The following CALN1 variants were observed in gnomAD, a reference collection of about 807,000 sequenced individuals.
CALN1 encodes the protein calcium-binding protein 8.
In CALN1, 17 loss-of-function variants were observed where a neutral mutation model predicts 30.6. The ratio of observed to expected loss-of-function variants is 0.56; its 90% CI spans 0.38 to 0.83. CALN1 has a LOEUF of 0.83. Ranked by LOEUF, CALN1 falls within the 40% of genes least tolerant of loss-of-function variation. The pLI, the probability that CALN1 is intolerant of heterozygous loss-of-function variation, is 0.00. For missense variants in CALN1, 291 were observed against 354.9 expected, an observed-to-expected ratio of 0.82 and a Z score of 1.45; for synonymous variants, 156 against 131.4, an observed-to-expected ratio of 1.19 and a Z score of -1.28.
chr7:72,378,429 G>T (rs1279268252), intron 2 of CALN1, among the ~76,000 whole-genome samples: 1 of 152,114 alleles, frequency 6.6e-6, no homozygotes, highest in Admixed American at 6.5e-5. Flanking sequence ...AGTTTCCAGA[G>T]TTCCAACAAG....
intron 3 of CALN1, among the ~76,000 whole-genome samples, chr7:72,235,981 T>C (rs937935851): frequency 3.3e-5 from 5 of 149,678 alleles, no homozygotes; most frequent in Non-Finnish European, 7.4e-5. Flanking sequence ...CAGTGGCTCA[T>C]ACCTGTAATC....
chr7:71,843,932 G>C (rs180866132), intron 5 of CALN1, among the ~76,000 whole-genome samples: 3 of 152,126 alleles, frequency 2.0e-5, no homozygotes, highest in Admixed American at 2.0e-4. Context: ...ATTTAAGGGA[G>C]AGGAAGTGGG....
chr7:71,938,929 A>G (rs928994833), intron 5 of CALN1, among the ~76,000 whole-genome samples: 1 of 152,062 alleles, frequency 6.6e-6, no homozygotes, highest in African/African-American at 2.4e-5. Context: ...CACTAAATCA[A>G]TGCTTGTCAA....
chr7:72,332,067 A>G (rs1046078831), intron 2 of CALN1, among the ~76,000 whole-genome samples: 22 of 152,274 alleles, frequency 1.4e-4, no homozygotes, highest in East Asian at 1.9e-4. Flanking sequence ...TCCATGGTGT[A>G]TATGTACCAC....
intron 2 of CALN1, among the ~76,000 whole-genome samples, chr7:72,319,927 C>T (rs995960210): frequency 3.3e-5 from 5 of 152,072 alleles, no homozygotes; most frequent in African/African-American, 9.7e-5. Context: ...GCGATGGTTA[C>T]ACTAACAGCC....
At chr7:72,016,248 C>CAAAAA (rs1216381592) in intron 5 of CALN1, among the ~76,000 whole-genome samples, 28 of 73,336 alleles carry the variant, frequency 3.8e-4, no homozygotes, top group African/African-American at 1.1e-3. Flanking sequence ...GACTCCATCT[C>CAAAAA]AAAAAAAAAA....
In CALN1 at chr7:71,784,548, C is replaced by T. The variant is rs1792886591; in HGVS notation, c.*3227G>A. On this transcript the variant is annotated 3_prime_UTR_variant, in exon 7 of 7. Transcript: ENST00000395275. Reference sequence around the variant, plus strand: ...TGTGGGTATCTGGAAAGGTGGGGCGCAGCTTCTTTGGGGATCAAGGGGGTC... The same window carrying T: ...TGTGGGTATCTGGAAAGGTGGGGCGTAGCTTCTTTGGGGATCAAGGGGGTC... 1 of 339,156 alleles carries T rather than the reference C, an allele frequency of 2.9e-6. No homozygotes were observed. Among genetic ancestry groups the T allele is most frequent in the African/African-American group, 2.1e-5 (1 of 47,278 alleles). The allele number at this position is 339,156 out of a possible 1,614,324, so 21.0% of individuals were successfully genotyped here. A position where few individuals can be genotyped will look rare whatever the true frequency, so the allele number is the denominator to read the frequency against.
intron 4 of CALN1, among the ~76,000 whole-genome samples, chr7:72,085,886 C>T (rs997939350): frequency 2.6e-5 from 4 of 152,042 alleles, no homozygotes; most frequent in Admixed American, 6.6e-5. Context: ...GAATTAAAAT[C>T]CACAATGCAA....
chr7:72,411,951 C>T (rs1003772051), intron 1 of CALN1, 107 bp downstream of exon 1: 1 of 152,108 alleles, frequency 6.6e-6, no homozygotes, highest in African/African-American at 2.4e-5. Context: ...CACCATAATC[C>T]GGAACTTGTC....
At chr7:72,456,138 C>T in the CALN1 span, among the ~76,000 whole-genome samples, 2 of 149,944 alleles carry the variant, frequency 1.3e-5, no homozygotes, top group African/African-American at 4.9e-5. Flanking sequence ...GAGCCAAGAT[C>T]GTGCCACTGC....
intron 5 of CALN1, among the ~76,000 whole-genome samples, chr7:71,960,323 G>T (rs558284743): frequency 6.6e-6 from 1 of 151,946 alleles, no homozygotes. Context: ...TCTTACTTCC[G>T]TCCCAGCCTC....
At chr7:72,148,289 G>C (rs1011486506) in intron 3 of CALN1, among the ~76,000 whole-genome samples, 2 of 149,508 alleles carry the variant, frequency 1.3e-5, no homozygotes, top group African/African-American at 4.9e-5. Context: ...AAAAGTCTGG[G>C]CCAGGTGCAG....
intron 2 of CALN1, among the ~76,000 whole-genome samples, chr7:72,351,905 A>T (rs1309086186): frequency 6.6e-6 from 1 of 152,266 alleles, no homozygotes; most frequent in Non-Finnish European, 1.5e-5. Flanking sequence ...GCACTATATT[A>T]ACATAATCTT....
At chr7:72,226,909 T>G (rs1242858893) in intron 3 of CALN1, among the ~76,000 whole-genome samples, 1 of 151,942 alleles carries the variant, frequency 6.6e-6, no homozygotes, top group Non-Finnish European at 1.5e-5. Context: ...TGATGGCGCA[T>G]GTCTATAGTT....
chr7:71,926,532 T>G (rs977008821), intron 5 of CALN1, among the ~76,000 whole-genome samples: 1 of 152,246 alleles, frequency 6.6e-6, no homozygotes, highest in African/African-American at 2.4e-5. Context: ...TGTGATTTGA[T>G]GTCTTATATT....
chr7:72,203,477 C>T (rs528642249), intron 3 of CALN1, among the ~76,000 whole-genome samples: 1 of 152,284 alleles, frequency 6.6e-6, no homozygotes, highest in Admixed American at 6.5e-5. Context: ...GGGCTAAGGA[C>T]TGCCAGGATG....
intron 3 of CALN1, among the ~76,000 whole-genome samples, chr7:72,219,416 G>A (rs1208510581): frequency 2.6e-5 from 4 of 152,012 alleles, no homozygotes; most frequent in Non-Finnish European, 5.9e-5. Context: ...TTTTTGTAGA[G>A]ATGGGGTCTT....
Position 72,278,749 on chromosome 7 carries a change from G to A in CALN1, c.181C>T (p.Arg61Ter). 6.2e-7 allele frequency: 1 copy of A among 1,614,084 alleles called. No individual in the cohort carries two copies. The highest frequency in any genetic ancestry group is 8.5e-7 in the Non-Finnish European group (1 of 1,179,978). The change falls in exon 3 of 7, where the codon CGA (arginine) becomes TGA (stop). Residue 61 changes from arginine (R) to a stop codon, truncating the protein, a stop_gained. Coordinates refer to ENST00000395275, the MANE Select transcript of CALN1 (RefSeq NM_031468.4). LOFTEE classifies it high-confidence loss of function. ...CTGTCACTGCCAGCAGAGAGCGATC[G>A]GTTGAGGTAATTCCCCTTGTACAAC... ...GLLYKGNYLN[R>*]SLSAGSDSEQ...
chr7:72,030,852 T>TC (rs1423539221), intron 4 of CALN1, among the ~76,000 whole-genome samples: 1 of 151,902 alleles, frequency 6.6e-6, no homozygotes, highest in African/African-American at 2.4e-5. Context: ...GCTGAAGGGA[T>TC]CCTCCTGCCT....
Sources: gnomAD v4.1 joint callset for allele counts (sites outside exome capture counted in the v4.1 genomes callset) on GRCh38, gnomAD v4.1.1 for gene constraint, MANE v1.5 for transcripts, NCBI Gene and HGNC (gene_info 2026-07-23, HGNC 2026-07-21) for gene names.